The following GLP1R variants were observed in gnomAD, a reference collection of about 807,000 sequenced individuals.
GLP1R encodes the protein glucagon like peptide 1 receptor.
In GLP1R, 32 loss-of-function variants were observed where a neutral mutation model predicts 68.4. That is an observed-to-expected ratio of 0.47 (90% CI 0.35 to 0.63). The LOEUF (loss-of-function observed/expected upper bound fraction) is 0.63, where lower values mean the gene tolerates loss of function less well. Ranked by LOEUF, GLP1R falls within the 20% of genes least tolerant of loss-of-function variation. The probability of loss-of-function intolerance (pLI) is 0.00; values close to 1 mark genes in which losing one functional copy is unlikely to be tolerated. For synonymous variants in GLP1R, 263 were observed against 244.4 expected, an observed-to-expected ratio of 1.08 and a Z score of -0.71; for missense variants, 502 against 594.9, an observed-to-expected ratio of 0.84 and a Z score of 1.62.
intron 3 of GLP1R, among the ~76,000 whole-genome samples, chr6:39,065,197 G>A (rs2150827180): frequency 6.6e-6 from 1 of 152,200 alleles, no homozygotes; most frequent in South Asian, 2.1e-4. Flanking sequence ...CCCTTCTCTT[G>A]GGAACTCAGT....
chr6:39,080,626 C>A, intron 11 of GLP1R, 72 bp from the exon 12 acceptor site: 1 of 1,053,434 alleles, frequency 9.5e-7, no homozygotes, highest in Non-Finnish European at 1.4e-6. Flanking sequence ...TCCCAAAGTG[C>A]TTCCGACCAG....
chr6:39,049,326 C>A lies in GLP1R; in HGVS notation c.78+408C>A, dbSNP rs1768033488. Among the ~76,000 whole-genome samples, 2 of 152,170 alleles carry A rather than the reference C, an allele frequency of 1.3e-5. No individual in the cohort carries two copies. The highest frequency in any genetic ancestry group is 1.3e-4 in the Admixed American group (2 of 15,284). On this transcript the variant is annotated intron_variant, in intron 1 of 12. Coordinates refer to ENST00000373256, the MANE Select transcript of GLP1R (RefSeq NM_002062.5). The surrounding 1 kb of genome is among the most constrained non-coding windows in gnomAD (Gnocchi z 4.5). ...GACTCCCTCTGCCCCACAGTCTGAC[C>A]CAGACCCCTCTCCCGCAGTGCCTCC...
intron 11 of GLP1R, 86 bp from the exon 12 acceptor site, chr6:39,080,612 G>A: frequency 1.2e-6 from 1 of 803,364 alleles, no homozygotes. Context: ...TGTTGAGGAT[G>A]GAGTCCCAAA....
chr6:39,077,806 C>T (rs1077680), intron 7 of GLP1R, among the ~76,000 whole-genome samples: 11,215 of 152,270 alleles, frequency 0.074, 534 homozygotes, highest in East Asian at 0.21. Flanking sequence ...GACTGGGCTC[C>T]TGTCTCCATT....
At chr6:39,081,300 G>T (rs1348077838) in intron 12 of GLP1R, among the ~76,000 whole-genome samples, 2 of 152,226 alleles carry the variant, frequency 1.3e-5, no homozygotes, top group Non-Finnish European at 2.9e-5. Flanking sequence ...GGAAATAGTG[G>T]CATGGCAGAG....
chr6:39,053,816 G>A (rs1583613466), intron 1 of GLP1R, among the ~76,000 whole-genome samples: 2 of 152,070 alleles, frequency 1.3e-5, no homozygotes, highest in East Asian at 1.9e-4. Context: ...TATGGCACTG[G>A]GTGGCCCTAG....
intron 5 of GLP1R, among the ~76,000 whole-genome samples, chr6:39,072,296 C>G (rs1768690774): frequency 1.3e-5 from 2 of 152,142 alleles, no homozygotes; most frequent in Non-Finnish European, 2.9e-5. Flanking sequence ...TTATTTTGTT[C>G]CTGATTTCAA....
At chr6:39,078,902 C>A in intron 8 of GLP1R, 55 bp from the exon 9 acceptor site, 2 of 1,464,590 alleles carry the variant, frequency 1.4e-6, no homozygotes, top group African/African-American at 1.4e-5. Flanking sequence ...TGCACCTGAG[C>A]TGGGGGTCCT....
intron 12 of GLP1R, among the ~76,000 whole-genome samples, chr6:39,081,921 G>A (rs544035751): frequency 1.3e-5 from 2 of 152,326 alleles, no homozygotes; most frequent in South Asian, 4.1e-4. Context: ...CAGAGAACAA[G>A]TCCTTCCTTC....
intron 4 of GLP1R, 121 bp downstream of exon 4, chr6:39,065,950 TC>T: frequency 1.5e-6 from 1 of 676,646 alleles, no homozygotes; most frequent in Non-Finnish European, 2.7e-6. Context: ...TCTCCTTGCC[TC>T]TGGGGGCTTT....
chr6:39,060,985 G>A (rs1159504849), intron 3 of GLP1R, among the ~76,000 whole-genome samples: 1 of 152,208 alleles, frequency 6.6e-6, no homozygotes, highest in African/African-American at 2.4e-5. Flanking sequence ...CATTAGGAAG[G>A]CTTCCAGGGA....
chr6:39,078,512 T>C (rs989768667), intron 8 of GLP1R, 130 bp downstream of exon 8: 5 of 732,704 alleles, frequency 6.8e-6, no homozygotes, highest in Admixed American at 5.7e-5. Context: ...AGAAGGTGAA[T>C]TTAGTTCTCT....
At position 39,058,935 on chromosome 6, in the gene GLP1R, G is replaced by A. The variant is rs10305447; in HGVS notation, c.283+1356G>A. On this transcript the variant is annotated intron_variant, in intron 3 of 12. Transcript: ENST00000373256. The stretch of plus-strand genomic sequence containing the variant: ...CAGCAACTGGCCCAGAAACAAGTGC[G>A]GGCATGAGGTTATGCTCTGGGGAAG... Among the ~76,000 whole-genome samples, 42 of 152,354 alleles carry A rather than the reference G, an allele frequency of 2.8e-4. 1 individual carries two copies. The East Asian group carries it at 4.6e-3, about 17-fold the overall frequency.
At chr6:39,055,047 CA>C (rs141109053) in intron 1 of GLP1R, among the ~76,000 whole-genome samples, 2,543 of 152,298 alleles carry the variant, frequency 0.017, 30 homozygotes, top group Non-Finnish European at 0.026. Context: ...CGCCTTGGCA[CA>C]CTTATGCCAA....
intron 7 of GLP1R, among the ~76,000 whole-genome samples, chr6:39,076,407 C>T (rs569890933): frequency 1.3e-5 from 2 of 152,228 alleles, no homozygotes; most frequent in East Asian, 1.9e-4. Flanking sequence ...CTGAGAGGTC[C>T]GATTTGTGTA....
At position 39,049,858 on chromosome 6, in the gene GLP1R, G is replaced by A. The variant is rs1768044886; in HGVS notation, c.78+940G>A. ...AGATGCTGGGACTTGCTTGAGCAGA[G>A]AGGAGACATAGACTTGGGTGGCCTG... On this transcript the variant is annotated intron_variant, in intron 1 of 12. Transcript: ENST00000373256. The surrounding 1 kb of genome is among the most constrained non-coding windows in gnomAD (Gnocchi z 4.5). 1.3e-5 allele frequency among the ~76,000 whole-genome samples: 2 copies of A among 152,286 alleles called. No individual in the cohort carries two copies. The highest frequency in any genetic ancestry group is 1.3e-4 in the Admixed American group (2 of 15,304).
At chr6:39,073,536 C>T (rs1768729123) in intron 6 of GLP1R, 74 bp from the exon 7 acceptor site, 2 of 1,287,686 alleles carry the variant, frequency 1.6e-6, no homozygotes, top group Non-Finnish European at 2.2e-6. Context: ...GTGGCTGGAG[C>T]AGGACGGGGA....
intron 12 of GLP1R, among the ~76,000 whole-genome samples, chr6:39,081,136 C>A (rs1025318221): frequency 1.1e-4 from 15 of 138,762 alleles, no homozygotes; most frequent in Admixed American, 6.3e-4. Flanking sequence ...CCCCCACATC[C>A]CTCAAAAAAA....
chr6:39,077,766 C>A (rs141058741), intron 7 of GLP1R, among the ~76,000 whole-genome samples: 1 of 152,218 alleles, frequency 6.6e-6, no homozygotes, highest in South Asian at 2.1e-4. Context: ...TAGGCCACTG[C>A]GGACAGTTAG....
Sources: allele counts gnomAD v4.1 joint callset (sites outside exome capture counted in the v4.1 genomes callset), GRCh38; gene constraint gnomAD v4.1.1; non-coding constraint Gnocchi (gnomAD v3.1); transcripts MANE v1.5; gene names NCBI Gene and HGNC (gene_info 2026-07-23, HGNC 2026-07-21).